Variants in DIAPH2 observed in about 807,000 individuals in gnomAD.
The protein encoded by DIAPH2 is protein diaphanous homolog 2.
In DIAPH2, 35 loss-of-function variants were observed where a neutral mutation model predicts 92.7. That is an observed-to-expected ratio of 0.38 (90% CI 0.29 to 0.50). DIAPH2 has a LOEUF of 0.50. Ranked by LOEUF, DIAPH2 falls within the 20% of genes least tolerant of loss-of-function variation. The probability of loss-of-function intolerance (pLI) is 0.94; values close to 1 mark genes in which losing one functional copy is unlikely to be tolerated. For synonymous variants in DIAPH2, 301 were observed against 280.4 expected (o/e 1.07, Z -0.73); for missense variants, 701 against 819.5 (o/e 0.86, Z 1.77).
At chrX:97,020,838 T>C (rs12388018) in intron 17 of DIAPH2, among the ~76,000 whole-genome samples, 37,218 of 110,924 alleles carry the variant, frequency 0.34, 5,705 homozygotes, top group South Asian at 0.53. Flanking sequence ...TCTGGATTTT[T>C]CCATTTAATA....
At chrX:97,196,313 G>C (rs2067703892) in intron 22 of DIAPH2, among the ~76,000 whole-genome samples, 1 of 111,256 alleles carries the variant, frequency 9.0e-6, no homozygotes. Flanking sequence ...AGGGATTTTT[G>C]GTATTATATC....
intron 3 of DIAPH2, among the ~76,000 whole-genome samples, chrX:96,744,417 G>T (rs1328026518): frequency 8.9e-6 from 1 of 112,200 alleles, no homozygotes; most frequent in Non-Finnish European, 1.9e-5. Context: ...TTAAATTTAG[G>T]TACATAAAAA....
intron 26 of DIAPH2, among the ~76,000 whole-genome samples, chrX:97,567,063 A>G (rs986692783): frequency 4.5e-5 from 5 of 111,825 alleles, no homozygotes; most frequent in Admixed American, 3.8e-4. Flanking sequence ...CCCCTAAAAC[A>G]CATAATAACT....
chrX:96,758,287 C>G, intron 4 of DIAPH2, 29 bp downstream of exon 4: 1 of 1,135,203 alleles, frequency 8.8e-7, no homozygotes, highest in Non-Finnish European at 1.2e-6. Context: ...CTAGCTCCAA[C>G]AGAATGAGCA....
At chrX:97,491,362 G>T (rs2070724092) in intron 26 of DIAPH2, among the ~76,000 whole-genome samples, 1 of 111,607 alleles carries the variant, frequency 9.0e-6, no homozygotes, top group African/African-American at 3.3e-5. Flanking sequence ...TATCTATTCT[G>T]CCACTCTGTG....
intron 23 of DIAPH2, among the ~76,000 whole-genome samples, chrX:97,295,790 G>C (rs1402876269): frequency 9.6e-6 from 1 of 104,195 alleles, no homozygotes; most frequent in African/African-American, 3.5e-5. Context: ...GGAGTGCAAT[G>C]GCCTAATCTC....
intron 26 of DIAPH2, among the ~76,000 whole-genome samples, chrX:97,525,892 G>A (rs1264918392): frequency 8.9e-6 from 1 of 112,138 alleles, no homozygotes; most frequent in African/African-American, 3.2e-5. Flanking sequence ...TGAACTATAT[G>A]TTGAATATTT....
At chrX:96,945,715 G>C (rs960652810) in intron 14 of DIAPH2, 124 bp downstream of exon 14, 1 of 436,379 alleles carries the variant, frequency 2.3e-6, no homozygotes, top group East Asian at 4.5e-5. Context: ...ATACTTTTGG[G>C]TTCAAACATA....
chrX:96,827,791 C>T (rs2064824992), intron 4 of DIAPH2, among the ~76,000 whole-genome samples: 1 of 112,371 alleles, frequency 8.9e-6, no homozygotes, highest in Non-Finnish European at 1.9e-5. Flanking sequence ...CACCACTGTA[C>T]ACTTGTGAGA....
intron 17 of DIAPH2, among the ~76,000 whole-genome samples, chrX:97,063,529 C>A (rs1442428237): frequency 9.0e-6 from 1 of 111,299 alleles, no homozygotes; most frequent in Non-Finnish European, 1.9e-5. Context: ...TACATGAAAA[C>A]GTATGTGAGA....
At chrX:97,065,520 T>C (rs750886621) in intron 17 of DIAPH2, among the ~76,000 whole-genome samples, 3 of 111,937 alleles carry the variant, frequency 2.7e-5, no homozygotes, top group Non-Finnish European at 5.6e-5. Context: ...TTTGTGGTGA[T>C]GTTGTTGCAA....
chrX:97,377,748 T>C (rs1425961289), intron 24 of DIAPH2, among the ~76,000 whole-genome samples: 4 of 111,300 alleles, frequency 3.6e-5, no homozygotes, highest in Admixed American at 1.9e-4. Flanking sequence ...AAATGATCCA[T>C]ATAAAGAGGA....
At chrX:96,770,998 T>A (rs1169224277) in intron 4 of DIAPH2, among the ~76,000 whole-genome samples, 1 of 111,810 alleles carries the variant, frequency 8.9e-6, no homozygotes, top group Non-Finnish European at 1.9e-5. Context: ...TATTTGAATT[T>A]CCCTTCATTT....
intron 22 of DIAPH2, among the ~76,000 whole-genome samples, chrX:97,163,279 C>T (rs922055655): frequency 1.8e-5 from 2 of 111,391 alleles, no homozygotes; most frequent in Non-Finnish European, 3.8e-5. Flanking sequence ...TCAAGAGATC[C>T]TCTACCCTTC....
At chrX:96,983,669 TTAAC>T (rs1467409524) in intron 17 of DIAPH2, among the ~76,000 whole-genome samples, 3 of 111,656 alleles carry the variant, frequency 2.7e-5, no homozygotes, top group African/African-American at 9.7e-5. Flanking sequence ...TAAATATATT[TTAAC>T]TAAGGTTTAT....
intron 23 of DIAPH2, among the ~76,000 whole-genome samples, chrX:97,328,827 C>G (rs757673031): frequency 9.0e-6 from 1 of 110,621 alleles, no homozygotes; most frequent in South Asian, 3.9e-4. Context: ...TCATTTTTTC[C>G]TAGTACATTA....
chrX:97,486,114 C>G (rs773812470), intron 26 of DIAPH2, among the ~76,000 whole-genome samples: 1 of 110,484 alleles, frequency 9.1e-6, no homozygotes, highest in South Asian at 3.9e-4. Context: ...TTGGGCTTCT[C>G]TTAAAAAAAT....
chrX:97,315,468 T>C (rs2068832684), intron 23 of DIAPH2, among the ~76,000 whole-genome samples: 1 of 111,796 alleles, frequency 8.9e-6, no homozygotes, highest in Non-Finnish European at 1.9e-5. Context: ...GGGGTTTCCA[T>C]CAAGATGCAT....
At chrX:97,372,990 G>A (rs916823640) in intron 24 of DIAPH2, among the ~76,000 whole-genome samples, 1 of 109,545 alleles carries the variant, frequency 9.1e-6, no homozygotes, top group Non-Finnish European at 1.9e-5. Flanking sequence ...AAAAAAAAAA[G>A]AAAGAAAAGC....
Sources: allele counts gnomAD v4.1 joint callset (sites outside exome capture counted in the v4.1 genomes callset), GRCh38; gene constraint gnomAD v4.1.1; transcripts MANE v1.5; gene names NCBI Gene and HGNC (gene_info 2026-07-23, HGNC 2026-07-21).